The following KDM2A variants were observed in gnomAD, a reference collection of about 807,000 sequenced individuals.
The protein encoded by KDM2A is lysine demethylase 2A, also known as lysine-specific demethylase 2A.
Under a neutral mutation model 137.3 loss-of-function variants are expected in KDM2A, and 3 were observed. The observed-to-expected ratio is 0.02, with a 90% CI of 0.01 to 0.06. The LOEUF (loss-of-function observed/expected upper bound fraction) is 0.06. Ranked by LOEUF, KDM2A falls within the 10% of genes least tolerant of loss-of-function variation. The pLI is 1.00. For synonymous variants in KDM2A, 512 were observed against 541.5 expected (o/e 0.95, Z 0.76); for missense variants, 738 against 1,510.6 (o/e 0.49, Z 8.48).
intron 2 of KDM2A, among the ~76,000 whole-genome samples, chr11:67,138,721 C>T (rs1483402785): frequency 1.3e-5 from 2 of 152,142 alleles, no homozygotes; most frequent in Admixed American, 6.5e-5. Flanking sequence ...GTGGAGGTTA[C>T]AGCGAGCCAA....
intron 5 of KDM2A, among the ~76,000 whole-genome samples, chr11:67,188,045 A>G (rs543200430): frequency 2.0e-5 from 3 of 152,198 alleles, no homozygotes; most frequent in East Asian, 1.9e-4. Flanking sequence ...AAATAATAAT[A>G]GTAATTTTAA....
intron 6 of KDM2A, among the ~76,000 whole-genome samples, chr11:67,214,312 C>T (rs1858090071): frequency 6.7e-6 from 1 of 149,376 alleles, no homozygotes; most frequent in South Asian, 2.1e-4. Context: ...TCATGCCATT[C>T]TCCTGCCTCA....
chr11:67,135,651 TC>T (rs1341644096), intron 2 of KDM2A, among the ~76,000 whole-genome samples: 1 of 152,218 alleles, frequency 6.6e-6, no homozygotes, highest in Non-Finnish European at 1.5e-5. Flanking sequence ...AATGTAGTGA[TC>T]GTTTTATAGT....
At chr11:67,163,290 A>G (rs1044109158) in intron 2 of KDM2A, among the ~76,000 whole-genome samples, 2 of 152,170 alleles carry the variant, frequency 1.3e-5, no homozygotes, top group Non-Finnish European at 2.9e-5. Flanking sequence ...TGGCCACTTC[A>G]TATTAAATCG....
chr11:67,251,385 CTACCATTTCTTCT>C (rs1443285575), intron 17 of KDM2A, among the ~76,000 whole-genome samples: 1 of 152,190 alleles, frequency 6.6e-6, no homozygotes, highest in African/African-American at 2.4e-5. Flanking sequence ...TTAATGAGAG[CTACCATTTCTTCT>C]TAAGTTGGAC....
At chr11:67,209,682 G>A (rs1436638918) in intron 6 of KDM2A, among the ~76,000 whole-genome samples, 2 of 152,116 alleles carry the variant, frequency 1.3e-5, no homozygotes, top group African/African-American at 2.4e-5. Context: ...GACCTCAGGT[G>A]ATCCACCTGT....
chr11:67,141,006 G>C (rs1306258579), intron 2 of KDM2A, among the ~76,000 whole-genome samples: 1 of 152,170 alleles, frequency 6.6e-6, no homozygotes, highest in Admixed American at 6.5e-5. Flanking sequence ...CCTCATGCTT[G>C]CTCAAGTCAA....
intron 5 of KDM2A, among the ~76,000 whole-genome samples, chr11:67,204,488 C>T (rs141785054): frequency 1.2e-4 from 17 of 145,968 alleles, no homozygotes; most frequent in African/African-American, 4.6e-4. Flanking sequence ...AGTGTGTTTT[C>T]TTTTTTCTTT....
intron 5 of KDM2A, among the ~76,000 whole-genome samples, chr11:67,184,348 G>A (rs1343472905): frequency 6.6e-6 from 1 of 151,996 alleles, no homozygotes; most frequent in East Asian, 1.9e-4. Context: ...ACAAAAATTA[G>A]GCCGGGTGCG....
intron 11 of KDM2A, 94 bp from the exon 12 acceptor site, chr11:67,231,472 A>G: frequency 1.8e-6 from 2 of 1,141,962 alleles, no homozygotes; most frequent in Non-Finnish European, 2.4e-6. Flanking sequence ...TTTGTCATTT[A>G]TAGCCTCAAG....
chr11:67,252,437 C>T (rs1859458144), intron 17 of KDM2A: 1 of 480,582 alleles, frequency 2.1e-6, no homozygotes, highest in African/African-American at 2.0e-5. Flanking sequence ...TTCTCAAACA[C>T]TCCAGAATAA....
intron 2 of KDM2A, among the ~76,000 whole-genome samples, chr11:67,159,106 T>C (rs1856582017): frequency 6.6e-6 from 1 of 152,210 alleles, no homozygotes; most frequent in Non-Finnish European, 1.5e-5. Context: ...CAAGGCCACT[T>C]AGGCTTTCTC....
chr11:67,250,047 A>C lies in KDM2A; in HGVS notation c.2056-39A>C, dbSNP rs531561473. Reference sequence around the variant, plus strand: ...TGTCGGTTCAGAGGGTTTGGAAGAAAGGAAGCACTGATGTTGCTTTTCTGG... The same window carrying C: ...TGTCGGTTCAGAGGGTTTGGAAGAACGGAAGCACTGATGTTGCTTTTCTGG... On this transcript the variant is annotated intron_variant, in intron 16 of 20. Transcript: ENST00000529006. This position sits in a 1 kb window ranked among gnomAD's most constrained non-coding sequence, Gnocchi z 7.1. 6 of 1,498,090 alleles carry C rather than the reference A, an allele frequency of 4.0e-6. No homozygotes were observed. The East Asian group carries it at 1.4e-4, about 34-fold the overall frequency. 92.8% of individuals were successfully genotyped at this position (1,498,090 alleles called of 1,614,324 possible).
intron 2 of KDM2A, among the ~76,000 whole-genome samples, chr11:67,152,654 T>A (rs1438908354): frequency 6.6e-6 from 1 of 152,018 alleles, no homozygotes; most frequent in Non-Finnish European, 1.5e-5. Context: ...AAATTTAAAT[T>A]ACATATGTAG....
At chr11:67,246,983 G>GCTA in intron 15 of KDM2A, among the ~76,000 whole-genome samples, 1 of 138,848 alleles carries the variant, frequency 7.2e-6, no homozygotes, top group South Asian at 2.3e-4. Context: ...TGTTGCCCAG[G>GCTA]CTAGAGTGCA....
intron 5 of KDM2A, among the ~76,000 whole-genome samples, chr11:67,204,447 A>G (rs989047055): frequency 1.3e-5 from 2 of 151,654 alleles, no homozygotes; most frequent in Admixed American, 1.3e-4. Context: ...ACTATATAAT[A>G]TGTAGCCTTT....
intron 2 of KDM2A, among the ~76,000 whole-genome samples, chr11:67,126,713 A>G (rs999700879): frequency 6.6e-6 from 1 of 151,940 alleles, no homozygotes; most frequent in African/African-American, 2.4e-5. Context: ...ATTTCAAAAA[A>G]AAAAAAAAAA....
intron 6 of KDM2A, 73 bp downstream of exon 6, chr11:67,207,761 A>T: frequency 8.0e-7 from 1 of 1,249,806 alleles, no homozygotes; most frequent in Non-Finnish European, 1.1e-6. Context: ...TTGGTAACTG[A>T]TGCTTGTTAT....
At chr11:67,248,611 C>T (rs904492419) in intron 16 of KDM2A, 6 of 450,292 alleles carry the variant, frequency 1.3e-5, no homozygotes, top group African/African-American at 8.0e-5. Flanking sequence ...TTCCTAAGGT[C>T]CTTTTATACT....
Sources: gnomAD v4.1 joint callset for allele counts (sites outside exome capture counted in the v4.1 genomes callset) on GRCh38, gnomAD v4.1.1 for gene constraint, Gnocchi (gnomAD v3.1) non-coding constraint, MANE v1.5 for transcripts, NCBI Gene and HGNC (gene_info 2026-07-23, HGNC 2026-07-21) for gene names.